The following RIC8B variants were observed in gnomAD, a reference collection of about 807,000 sequenced individuals.
RIC8B encodes chaperone Ric-8B.
Under a neutral mutation model 57.5 loss-of-function variants are expected in RIC8B, and 16 were observed. That is an observed-to-expected ratio of 0.28 (90% CI 0.19 to 0.42). RIC8B has a LOEUF of 0.42. Ranked by LOEUF, RIC8B falls within the 10% of genes least tolerant of loss-of-function variation. RIC8B has a pLI of 1.00. For missense variants in RIC8B, 481 were observed against 677.0 expected (o/e 0.71, Z 3.21); for synonymous variants, 216 against 250.8 (o/e 0.86, Z 1.31).
chr12:106,794,669 G>T (rs1424994396), intron 2 of RIC8B, among the ~76,000 whole-genome samples: 1 of 152,124 alleles, frequency 6.6e-6, no homozygotes, highest in Non-Finnish European at 1.5e-5. Context: ...CCTGTATCTA[G>T]TAAAGCTATT....
chr12:106,787,400 A>G (rs1008807274), intron 2 of RIC8B, among the ~76,000 whole-genome samples: 1 of 152,196 alleles, frequency 6.6e-6, no homozygotes, highest in African/African-American at 2.4e-5. Flanking sequence ...AAGCTTTTCA[A>G]GTTCTTAATG....
At chr12:106,882,210 C>T (rs1033673777) in intron 9 of RIC8B, among the ~76,000 whole-genome samples, 14 of 152,186 alleles carry the variant, frequency 9.2e-5, no homozygotes, top group African/African-American at 3.4e-4. Flanking sequence ...GTTCTAACTA[C>T]ATTCCAGCCT....
rs117076753 is a variant in RIC8B, at chr12:106,815,118, G to A, written c.555G>A (p.Glu185=). 3.5e-4 allele frequency: 569 copies of A among 1,614,198 alleles called. No homozygotes were observed. Among genetic ancestry groups the A allele is most frequent in the Non-Finnish European group, 4.5e-4 (532 of 1,180,044 alleles). Residue 185 remains glutamate (E), a synonymous_variant, in exon 3 of 10, where the codon GAG becomes GAA. Transcript: ENST00000392837. The part of the protein sequence containing the change: ...HTDIRSQLRY[E]LQGLPLLTQI... ...ACATCAGGTCACAATTGCGCTATGA[G>A]CTCCAGGGACTACCGCTGCTAACGC...
chr12:106,783,972 A>C, intron 1 of RIC8B, 25 bp from the exon 2 acceptor site: 1 of 1,608,398 alleles, frequency 6.2e-7, no homozygotes. Context: ...TTAAAATGAC[A>C]TTGTTTCCCT....
chr12:106,817,824 C>CA (rs1256361414), intron 3 of RIC8B, among the ~76,000 whole-genome samples: 30,940 of 111,886 alleles, frequency 0.28, 5,258 homozygotes, highest in African/African-American at 0.47. Context: ...AACACTGTCT[C>CA]AAAAAAAAAA....
chr12:106,818,843 G>A (rs887265192), intron 3 of RIC8B, among the ~76,000 whole-genome samples: 19 of 151,666 alleles, frequency 1.3e-4, no homozygotes, highest in Admixed American at 7.9e-4. Flanking sequence ...CTTGGCTCAC[G>A]GCAACCTCTG....
At chr12:106,786,475 T>C (rs1047996301) in intron 2 of RIC8B, among the ~76,000 whole-genome samples, 5 of 152,122 alleles carry the variant, frequency 3.3e-5, no homozygotes, top group Non-Finnish European at 7.4e-5. Context: ...TAGATGGTCT[T>C]CAGGAAATAA....
At position 106,871,500 on chromosome 12, in the gene RIC8B, C is replaced by CAAAAAAAAAAAAAAA. The variant is rs1566169701; in HGVS notation, c.1571+564_1571+565insAAAAAAAAAAAAAAA. 4 of 66,570 alleles carry CAAAAAAAAAAAAAAA rather than the reference C, an allele frequency of 6.0e-5. 1 individual carries two copies. Among genetic ancestry groups the CAAAAAAAAAAAAAAA allele is most frequent in the Admixed American group, 1.8e-4 (1 of 5,682 alleles). The allele number at this position is 66,570 out of a possible 1,614,324, so 4.1% of individuals were successfully genotyped here. ...AAAAAAAAAAAAAAAAAAAAAAAACCAAAAAACTCCCCTTCCCCTCTTGCT... is the reference window on the plus strand; with the variant it reads ...AAAAAAAAAAAAAAAAAAAAAAAACCAAAAAAAAAAAAAAAAAAAAACTCCCCTTCCCCTCTTGCT... On this transcript the variant is annotated intron_variant, in intron 9 of 9. Transcript: ENST00000392837.
At chr12:106,854,713 C>T (rs941097963) in intron 7 of RIC8B, among the ~76,000 whole-genome samples, 26 of 152,020 alleles carry the variant, frequency 1.7e-4, no homozygotes, top group African/African-American at 5.8e-4. Context: ...CACTTGAACC[C>T]GGGAGGTGGA....
chr12:106,859,905 T>A (rs1949859129), intron 7 of RIC8B, among the ~76,000 whole-genome samples: 1 of 152,152 alleles, frequency 6.6e-6, no homozygotes, highest in African/African-American at 2.4e-5. Flanking sequence ...TGACTTTCAC[T>A]CTCTCTAGTT....
chr12:106,797,623 G>A (rs1176064462), intron 2 of RIC8B, among the ~76,000 whole-genome samples: 1 of 152,150 alleles, frequency 6.6e-6, no homozygotes, highest in East Asian at 1.9e-4. Flanking sequence ...TGAATTGCAT[G>A]CTTTAACAAG....
chr12:106,792,991 C>T (rs1244263600), intron 2 of RIC8B, among the ~76,000 whole-genome samples: 2 of 152,178 alleles, frequency 1.3e-5, no homozygotes, highest in African/African-American at 4.8e-5. Flanking sequence ...GTCAGCATTT[C>T]TCATCCTGCC....
intron 4 of RIC8B, 43 bp downstream of exon 4, chr12:106,825,863 A>C: frequency 1.5e-6 from 2 of 1,351,316 alleles, no homozygotes; most frequent in Non-Finnish European, 2.1e-6. Flanking sequence ...GGACATCATC[A>C]GTTGTTCTTG....
chr12:106,878,255 A>T (rs1950757488), intron 9 of RIC8B, among the ~76,000 whole-genome samples: 1 of 152,198 alleles, frequency 6.6e-6, no homozygotes, highest in African/African-American at 2.4e-5. Flanking sequence ...TCAAGCCTAA[A>T]GGACACTTTC....
At chr12:106,824,919 GA>G (rs2046027313) in intron 3 of RIC8B, among the ~76,000 whole-genome samples, 2 of 151,494 alleles carry the variant, frequency 1.3e-5, no homozygotes, top group African/African-American at 2.4e-5. Context: ...AAAAAAAAAA[GA>G]AAAAAGTTTT....
At chr12:106,877,941 C>T (rs1950741733) in intron 9 of RIC8B, among the ~76,000 whole-genome samples, 1 of 152,110 alleles carries the variant, frequency 6.6e-6, no homozygotes. Flanking sequence ...TAGACAATTC[C>T]CAATTACCTT....
intron 2 of RIC8B, among the ~76,000 whole-genome samples, chr12:106,787,352 A>G (rs1418195137): frequency 6.6e-6 from 1 of 152,228 alleles, no homozygotes; most frequent in African/African-American, 2.4e-5. Flanking sequence ...CTTAGACATC[A>G]GAACTATTGG....
At chr12:106,832,394 CACGTCTCTACCAAAAACA>C (rs2046389505) in intron 4 of RIC8B, among the ~76,000 whole-genome samples, 1 of 151,946 alleles carries the variant, frequency 6.6e-6, no homozygotes, top group African/African-American at 2.4e-5. Context: ...ATGGTGAAAC[CACGTCTCTACCAAAAACA>C]CAAAAATTAG....
intron 6 of RIC8B, among the ~76,000 whole-genome samples, chr12:106,847,011 G>T (rs908287593): frequency 8.5e-5 from 13 of 152,148 alleles, no homozygotes; most frequent in Admixed American, 6.5e-4. Context: ...GTGGAACCTT[G>T]ATTTATTATT....
Sources: allele counts gnomAD v4.1 joint callset (sites outside exome capture counted in the v4.1 genomes callset), GRCh38; gene constraint gnomAD v4.1.1; transcripts MANE v1.5; gene names NCBI Gene and HGNC (gene_info 2026-07-23, HGNC 2026-07-21).